The following RBM25 variants were observed in gnomAD, a reference collection of about 807,000 sequenced individuals.
The protein encoded by RBM25 is RNA binding motif protein 25, also known as RNA-binding protein 25.
RBM25 carries 19 observed loss-of-function variants against 120.7 expected under a neutral mutation model. The ratio of observed to expected loss-of-function variants is 0.16; its 90% confidence interval spans 0.11 to 0.23. The LOEUF (loss-of-function observed/expected upper bound fraction) is 0.23, where lower values mean the gene tolerates loss of function less well. Among genes scored for constraint, RBM25 ranks in the 10% least tolerant of loss-of-function variants. The pLI is 1.00. For synonymous variants in RBM25, 390 were observed against 326.7 expected, an observed-to-expected ratio of 1.19 and a Z score of -2.09; for missense variants, 605 against 1,041.5, an observed-to-expected ratio of 0.58 and a Z score of 5.77.
At position 73,121,604 on chromosome 14, in the gene RBM25, C is replaced by T. The variant is rs1011835113; in HGVS notation, c.*1799C>T. 1 of 152,164 alleles carries T rather than the reference C, an allele frequency of 6.6e-6. No individual in the cohort carries two copies. Among genetic ancestry groups the T allele is most frequent in the South Asian group, 2.1e-4 (1 of 4,828 alleles). The allele number at this position is 152,164 out of a possible 1,614,324, so 9.4% of individuals were successfully genotyped here. ...TTTTCAGTCTTTTCTTAGACACACC[C>T]CCAGCCTAAGACCTTGTTCGAGGAG... On this transcript the variant is annotated 3_prime_UTR_variant, in exon 19 of 19. Transcript: ENST00000261973.
At chr14:73,059,809 TTTTTC>T (rs1350320015) in intron 1 of RBM25, among the ~76,000 whole-genome samples, 1 of 152,204 alleles carries the variant, frequency 6.6e-6, no homozygotes, top group Non-Finnish European at 1.5e-5. Flanking sequence ...TTGGTTTTTC[TTTTTC>T]TTTTTTCTTT....
chr14:73,070,370 T>C (rs1895255221), intron 1 of RBM25, among the ~76,000 whole-genome samples: 1 of 152,188 alleles, frequency 6.6e-6, no homozygotes, highest in Non-Finnish European at 1.5e-5. Flanking sequence ...TCTTAAACTT[T>C]AAAAAATCAA....
At chr14:73,102,991 G>A (rs1896084541) in intron 9 of RBM25, 3 of 1,104,110 alleles carry the variant, frequency 2.7e-6, no homozygotes, top group Middle Eastern at 3.1e-4. Context: ...TTCCTGGTCT[G>A]TGTAGAGTAT....
At chr14:73,098,816 TG>T (rs1470621444) in intron 7 of RBM25, among the ~76,000 whole-genome samples, 1 of 152,152 alleles carries the variant, frequency 6.6e-6, no homozygotes, top group Non-Finnish European at 1.5e-5. Flanking sequence ...GCTACTTTTT[TG>T]TATTTTTAAT....
intron 2 of RBM25, among the ~76,000 whole-genome samples, chr14:73,075,071 A>G (rs1450445817): frequency 1.3e-5 from 2 of 151,776 alleles, no homozygotes; most frequent in Non-Finnish European, 2.9e-5. Context: ...CACAGGCACA[A>G]TGCTAGCACA....
chr14:73,086,386 C>G (rs544816924), intron 5 of RBM25, among the ~76,000 whole-genome samples: 10 of 150,560 alleles, frequency 6.6e-5, no homozygotes, highest in African/African-American at 2.4e-4. Context: ...TGCAGTGAGC[C>G]GAGATTGCAC....
chr14:73,118,068 C>T (rs540504958), intron 18 of RBM25, among the ~76,000 whole-genome samples: 3 of 152,274 alleles, frequency 2.0e-5, no homozygotes, highest in African/African-American at 7.2e-5. Flanking sequence ...ATGTGTGCCC[C>T]GTGATGATTG....
At chr14:73,111,891 A>G (rs184571065) in intron 16 of RBM25, 89 bp downstream of exon 16, 231 of 1,401,590 alleles carry the variant, frequency 1.6e-4, no homozygotes, top group Admixed American at 8.3e-4. Flanking sequence ...ACCTCATTTG[A>G]TTCTATTAAT....
chr14:73,062,810 A>G (rs948408709), intron 1 of RBM25, among the ~76,000 whole-genome samples: 1 of 151,110 alleles, frequency 6.6e-6, no homozygotes, highest in African/African-American at 2.4e-5. Context: ...GAACCCTTCT[A>G]TCATAGGTTT....
rs1325876334 is a variant in RBM25 at position 73,121,284 on chromosome 14, A to C, written c.*1479A>C. On this transcript the variant is annotated 3_prime_UTR_variant, in exon 19 of 19. Coordinates refer to ENST00000261973, the MANE Select transcript of RBM25 (RefSeq NM_021239.3). ...CCTGATGTGGTTCCATTATGTAAAT[A>C]TTTCAAATATTAAAAATGTATATAT... 1 of 152,512 alleles carries C rather than the reference A, an allele frequency of 6.6e-6. No individual in the cohort carries two copies. The highest frequency in any genetic ancestry group is 1.5e-5 in the Non-Finnish European group (1 of 68,032). 9.4% of individuals were successfully genotyped at this position (152,512 alleles called of 1,614,324 possible). A position where few individuals can be genotyped will look rare whatever the true frequency, so the allele number is the denominator to read the frequency against.
At chr14:73,087,427 G>A (rs1302890484) in intron 5 of RBM25, among the ~76,000 whole-genome samples, 3 of 142,876 alleles carry the variant, frequency 2.1e-5, no homozygotes, top group East Asian at 2.0e-4. Flanking sequence ...ACGGAGTCTC[G>A]CTCTTTCGCC....
In RBM25 at chr14:73,122,215, T is replaced by A. The variant is rs1310684082; in HGVS notation, c.*2410T>A. 1 of 152,074 alleles carries A rather than the reference T, an allele frequency of 6.6e-6. No individual in the cohort carries two copies. The highest frequency in any genetic ancestry group is 6.6e-5 in the Admixed American group (1 of 15,264). 9.4% of individuals were successfully genotyped at this position (152,074 alleles called of 1,614,324 possible). A position where few individuals can be genotyped will look rare whatever the true frequency, so the allele number is the denominator to read the frequency against. On this transcript the variant is annotated 3_prime_UTR_variant, in exon 19 of 19. Transcript: ENST00000261973. ...TTTGAAAACCTTATACAGTATGAAT[T>A]CATTTTGCCATTTCAAGTTGTTATA...
At chr14:73,107,672 T>C (rs1896219680) in intron 12 of RBM25, 154 bp from the exon 13 acceptor site, 2 of 629,344 alleles carry the variant, frequency 3.2e-6, no homozygotes, top group Non-Finnish European at 5.5e-6. Context: ...AACGGCCATG[T>C]TTGTCTTAAA....
At chr14:73,082,031 G>C (rs1002510598) in intron 4 of RBM25, among the ~76,000 whole-genome samples, 1 of 152,150 alleles carries the variant, frequency 6.6e-6, no homozygotes. Context: ...AGCTATTTGA[G>C]AATTCTTTTT....
chr14:73,106,012 TGAA>T lies in RBM25; in HGVS notation c.1314_1316del (p.Glu438del), dbSNP rs1219503527. 1 of 1,612,856 alleles carries T rather than the reference TGAA, an allele frequency of 6.2e-7. No individual in the cohort carries two copies. The highest frequency in any genetic ancestry group is 8.5e-7 in the Non-Finnish European group (1 of 1,179,670). ...ACAAAAAACGGGACCGAGAAGAAGATGAAGAAGATGCATACGAACGAAGAAAAC... is the reference window on the plus strand; with the variant it reads ...ACAAAAAACGGGACCGAGAAGAAGATGAAGATGCATACGAACGAAGAAAAC... On this transcript the variant is annotated inframe_deletion, in exon 11 of 19. Transcript: ENST00000261973.
At chr14:73,099,274 G>T in intron 7 of RBM25, 106 bp from the exon 8 acceptor site, 1 of 959,674 alleles carries the variant, frequency 1.0e-6, no homozygotes, top group Middle Eastern at 2.2e-4. Flanking sequence ...CATCACAGAA[G>T]TGTACTGTAT....
At chr14:73,111,462 T>C in intron 15 of RBM25, 66 bp from the exon 16 acceptor site, 8 of 1,464,532 alleles carry the variant, frequency 5.5e-6, no homozygotes, top group Non-Finnish European at 7.4e-6. Context: ...TTTTGAGGGA[T>C]GGTGGGTTAT....
Position 73,111,509 on chromosome 14 carries a change from G to A in RBM25, c.2018-19G>A, listed in dbSNP as rs1397023792. 1 of 1,569,386 alleles carries A rather than the reference G, an allele frequency of 6.4e-7. No homozygotes were observed. Among genetic ancestry groups the A allele is most frequent in the Non-Finnish European group, 8.6e-7 (1 of 1,162,390 alleles). ...TTTGGAAATTAAGTCATCTTGCTAA[G>A]AGAGTGTTTTTACTGTAGGTGCTTC... On this transcript the variant is annotated intron_variant, in intron 15 of 18. Coordinates refer to ENST00000261973, the MANE Select transcript of RBM25 (RefSeq NM_021239.3).
In RBM25 at chr14:73,096,956, C is replaced by G. The variant is rs375825544; in HGVS notation, c.585C>G (p.Ala195=). The G allele has an allele frequency of 1.2e-6, 2 of 1,612,896 alleles. No homozygotes were observed. The highest frequency in any genetic ancestry group is 1.7e-6 in the Non-Finnish European group (2 of 1,179,688). The change falls in exon 7 of 19, where the codon GCC becomes GCG. Residue 195 remains alanine, a synonymous_variant. Transcript: ENST00000261973. ...CTGTCACTAATGACGATGAAGAAGCCTTGGATGAAGAAACAAAGAGGAGAG... is the reference window on the plus strand; with the variant it reads ...CTGTCACTAATGACGATGAAGAAGCGTTGGATGAAGAAACAAAGAGGAGAG... ...PETVTNDDEE[A]LDEETKRRDQ... is the part of the protein sequence containing the mutation.
Sources: gnomAD v4.1 joint callset for allele counts (sites outside exome capture counted in the v4.1 genomes callset) on GRCh38, gnomAD v4.1.1 for gene constraint, MANE v1.5 for transcripts, NCBI Gene and HGNC (gene_info 2026-07-23, HGNC 2026-07-21) for gene names.